The following CHRM5 variants were observed in gnomAD, a reference collection of about 807,000 sequenced individuals.
CHRM5 encodes muscarinic acetylcholine receptor M5.
In CHRM5, 18 loss-of-function variants were observed where a neutral mutation model predicts 39.0. The observed-to-expected ratio is 0.46, with a 90% confidence interval of 0.32 to 0.68. CHRM5 has a LOEUF of 0.68. Among genes scored for constraint, CHRM5 ranks in the 30% least tolerant of loss-of-function variants. The probability of loss-of-function intolerance (pLI) is 0.04; values close to 1 mark genes in which losing one functional copy is unlikely to be tolerated. For missense variants in CHRM5, 515 were observed against 651.1 expected (o/e 0.79, Z 2.28); for synonymous variants, 241 against 246.3 (o/e 0.98, Z 0.20).
At chr15:33,980,050 A>C (rs1896066116) in intron 1 of CHRM5, among the ~76,000 whole-genome samples, 1 of 152,228 alleles carries the variant, frequency 6.6e-6, no homozygotes, top group Non-Finnish European at 1.5e-5. Context: ...ATAACAAGGG[A>C]GAAGATTTAA....
chr15:34,005,180 A>G (rs1416848484), intron 1 of CHRM5, among the ~76,000 whole-genome samples: 2 of 152,138 alleles, frequency 1.3e-5, no homozygotes, highest in Non-Finnish European at 2.9e-5. Flanking sequence ...ATTTTTAAAA[A>G]ATATTCTTCA....
At chr15:34,011,233 A>G (rs1045852623) in intron 1 of CHRM5, among the ~76,000 whole-genome samples, 3 of 152,180 alleles carry the variant, frequency 2.0e-5, no homozygotes, top group Admixed American at 6.5e-5. Flanking sequence ...AAAAGGAAAA[A>G]AAGGCAGGGG....
chr15:34,040,081 A>C (rs1014166360), intron 1 of CHRM5, among the ~76,000 whole-genome samples: 3 of 152,184 alleles, frequency 2.0e-5, no homozygotes, highest in Non-Finnish European at 2.9e-5. Flanking sequence ...GTTCTTTCCT[A>C]TATCCATACA....
chr15:33,991,320 T>C (rs991006752), intron 1 of CHRM5: 1 of 151,902 alleles, frequency 6.6e-6, no homozygotes, highest in Non-Finnish European at 1.5e-5. Context: ...CAAAACAAAG[T>C]ATAAACTAAA....
rs1900384929 is a variant in CHRM5 at position 34,062,729 on chromosome 15, T to G, written c.12T>G (p.Asp4Glu). The G allele has an allele frequency of 6.2e-7, 1 of 1,609,640 alleles. No individual in the cohort carries two copies. The highest frequency in any genetic ancestry group is 8.5e-7 in the Non-Finnish European group (1 of 1,177,240). Residue 4 changes from aspartate to glutamate, a missense_variant, in exon 3 of 3, where the codon GAT becomes GAG. Physicochemically the swap from Asp to Glu is conservative, Grantham distance 45. Transcript: ENST00000383263. MEG[D>E]SYHNATTVNG... is the part of the protein sequence containing the mutation. ...ATTTTTGCACCAGGATGGAAGGGGA[T>G]TCTTACCACAATGCAACCACCGTCA...
chr15:33,999,945 C>G (rs536206402), intron 1 of CHRM5, among the ~76,000 whole-genome samples: 1 of 152,226 alleles, frequency 6.6e-6, no homozygotes, highest in Non-Finnish European at 1.5e-5. Context: ...TACAATACTA[C>G]GCGATCTGGC....
At chr15:34,029,933 A>C (rs1898691529) in intron 1 of CHRM5, among the ~76,000 whole-genome samples, 1 of 152,166 alleles carries the variant, frequency 6.6e-6, no homozygotes, top group African/African-American at 2.4e-5. Context: ...AGCTCACTAG[A>C]ATGTGAACTC....
At chr15:33,973,047 G>T (rs1895707682) in intron 1 of CHRM5, among the ~76,000 whole-genome samples, 2 of 152,184 alleles carry the variant, frequency 1.3e-5, no homozygotes, top group African/African-American at 4.8e-5. Context: ...TTCAGCAGTT[G>T]TTTAAAGATC....
At chr15:34,015,559 A>G (rs189750512) in intron 1 of CHRM5, among the ~76,000 whole-genome samples, 98 of 152,356 alleles carry the variant, frequency 6.4e-4, no homozygotes, top group African/African-American at 2.3e-3. Context: ...CTGTTTTAGG[A>G]TAATTTGGGA....
At chr15:34,041,919 G>A (rs536102241) in intron 1 of CHRM5, among the ~76,000 whole-genome samples, 1 of 152,226 alleles carries the variant, frequency 6.6e-6, no homozygotes, top group East Asian at 1.9e-4. Flanking sequence ...TCAGAAGTCC[G>A]GGGGTATGTT....
rs56129415 is a variant in CHRM5 at position 33,983,722 on chromosome 15, C to T, written c.-408+14572C>T. 8.6e-3 allele frequency among the ~76,000 whole-genome samples: 1,311 copies of T among 152,098 alleles called. 11 individuals carry two copies. Among genetic ancestry groups the T allele is most frequent in the Non-Finnish European group, 0.014 (944 of 68,000 alleles). On this transcript the variant is annotated intron_variant, in intron 1 of 2. Transcript: ENST00000383263. ...GACTTAGTGACTCGCTGCTAGTGAA[C>T]AATAAATGGAAAGGGAAAAACAGGG... is the stretch of plus-strand genomic sequence containing the variant.
rs753260999 is a variant in CHRM5 at position 34,063,372 on chromosome 15, G to A, written c.655G>A (p.Glu219Lys). Residue 219 changes from glutamate (E) to lysine (K), a missense_variant, in exon 3 of 3, where the codon GAA becomes AAA. By Grantham distance (56) the Glu-to-Lys change is moderately conservative (BLOSUM62 1). Transcript: ENST00000383263. This position sits in a 1 kb window ranked among gnomAD's most constrained non-coding sequence, Gnocchi z 4.1. ...CATCCTCTACTGTCGAATCTACCGG[G>A]AAACAGAGAAGCGAACCAAGGACCT... ...MTILYCRIYR[E>K]TEKRTKDLAD... 6.2e-7 allele frequency: 1 copy of A among 1,614,080 alleles called. No individual in the cohort carries two copies.
At position 34,018,664 on chromosome 15, in the gene CHRM5, G is replaced by C. The variant is rs889952537; in HGVS notation, c.-407-27876G>C. On this transcript the variant is annotated intron_variant, in intron 1 of 2. Coordinates refer to ENST00000383263, the MANE Select transcript of CHRM5 (RefSeq NM_012125.4). ...TGAAAGAACAAAGCTTCCACAGAATGGAAAGGGACTCCAGTGGGTTGCTGC... is the reference window on the plus strand; with the variant it reads ...TGAAAGAACAAAGCTTCCACAGAATCGAAAGGGACTCCAGTGGGTTGCTGC... Among the ~76,000 whole-genome samples, 5 of 152,326 alleles carry C rather than the reference G, an allele frequency of 3.3e-5. No homozygotes were observed. The East Asian group carries it at 9.6e-4, about 29-fold the overall frequency.
intron 1 of CHRM5, among the ~76,000 whole-genome samples, chr15:33,993,723 C>A (rs1896822151): frequency 2.0e-5 from 3 of 152,162 alleles, no homozygotes; most frequent in African/African-American, 7.2e-5. Context: ...GCTACCGGGC[C>A]CTCCTCAATC....
At chr15:34,051,571 G>T (rs1035789753) in intron 2 of CHRM5, among the ~76,000 whole-genome samples, 3 of 151,170 alleles carry the variant, frequency 2.0e-5, no homozygotes, top group Non-Finnish European at 3.0e-5. Context: ...TTTGAAAATA[G>T]GTAAAATAGA....
At chr15:33,987,239 A>G (rs1441850049) in intron 1 of CHRM5, among the ~76,000 whole-genome samples, 2 of 152,150 alleles carry the variant, frequency 1.3e-5, no homozygotes, top group African/African-American at 4.8e-5. Flanking sequence ...AGTATCCCAT[A>G]TGTGCTTTAT....
chr15:34,019,771 T>C (rs912500457), intron 1 of CHRM5, among the ~76,000 whole-genome samples: 1 of 152,206 alleles, frequency 6.6e-6, no homozygotes, highest in African/African-American at 2.4e-5. Flanking sequence ...CGCCTGGGTG[T>C]ACAGTAGGCT....
chr15:34,020,114 A>C (rs1054853299), intron 1 of CHRM5, among the ~76,000 whole-genome samples: 1 of 152,142 alleles, frequency 6.6e-6, no homozygotes, highest in African/African-American at 2.4e-5. Context: ...GATCGAGACC[A>C]TCTTGGCTAA....
chr15:34,010,975 T>C (rs887326755), intron 1 of CHRM5, among the ~76,000 whole-genome samples: 6 of 152,288 alleles, frequency 3.9e-5, no homozygotes, highest in African/African-American at 1.4e-4. Context: ...TTTTTAACAA[T>C]AGAAAAACTC....
Sources: gnomAD v4.1 joint callset for allele counts (sites outside exome capture counted in the v4.1 genomes callset) on GRCh38, gnomAD v4.1.1 for gene constraint, Gnocchi (gnomAD v3.1) non-coding constraint, MANE v1.5 for transcripts, NCBI Gene and HGNC (gene_info 2026-07-23, HGNC 2026-07-21) for gene names.